Variants in MAGI1 observed in about 807,000 individuals in gnomAD.
MAGI1 encodes the protein membrane associated guanylate kinase, WW and PDZ domain containing 1.
MAGI1 carries 58 observed loss-of-function variants against 139.9 expected under a neutral mutation model. That is an observed-to-expected ratio of 0.41 (90% CI 0.34 to 0.52). The LOEUF is 0.52. Ranked by LOEUF, MAGI1 falls within the 20% of genes least tolerant of loss-of-function variation. The probability of loss-of-function intolerance (pLI) is 0.12; values close to 1 mark genes in which losing one functional copy is unlikely to be tolerated. For missense variants in MAGI1, 1,874 were observed against 1,901.6 expected (o/e 0.99, Z 0.27); for synonymous variants, 812 against 737.9 (o/e 1.10, Z -1.63).
At chr3:65,860,224 T>G (rs2059509961) in intron 1 of MAGI1, among the ~76,000 whole-genome samples, 1 of 152,098 alleles carries the variant, frequency 6.6e-6, no homozygotes, top group African/African-American at 2.4e-5. Context: ...ATTCTTCTAT[T>G]TCCCCATTCC....
intron 1 of MAGI1, among the ~76,000 whole-genome samples, chr3:65,911,662 G>A (rs1438874738): frequency 3.9e-5 from 6 of 152,098 alleles, no homozygotes; most frequent in Non-Finnish European, 7.3e-5. Context: ...CACCCCAACA[G>A]CATAACCGCT....
At chr3:65,743,947 A>T (rs2035484964) in intron 1 of MAGI1, among the ~76,000 whole-genome samples, 1 of 143,946 alleles carries the variant, frequency 6.9e-6, no homozygotes, top group South Asian at 2.2e-4. Flanking sequence ...GGGCTTTGTT[A>T]TTCTAAAACT....
At chr3:65,872,456 C>G (rs1057170324) in intron 1 of MAGI1, among the ~76,000 whole-genome samples, 4 of 152,108 alleles carry the variant, frequency 2.6e-5, no homozygotes, top group Admixed American at 2.0e-4. Context: ...CTTTCCTGTC[C>G]CTAACCTGCA....
chr3:65,802,461 C>G (rs371080721), intron 1 of MAGI1, among the ~76,000 whole-genome samples: 2 of 152,130 alleles, frequency 1.3e-5, no homozygotes, highest in East Asian at 3.9e-4. Context: ...AGATGGTAAA[C>G]AGAGCATCTG....
chr3:65,702,010 T>C (rs1321822800), intron 1 of MAGI1, among the ~76,000 whole-genome samples: 2 of 152,138 alleles, frequency 1.3e-5, no homozygotes, highest in Non-Finnish European at 2.9e-5. Context: ...TTTATTTTTT[T>C]TGCTCTCCCT....
At chr3:65,638,028 A>G (rs1046178507) in intron 1 of MAGI1, among the ~76,000 whole-genome samples, 1 of 152,110 alleles carries the variant, frequency 6.6e-6, no homozygotes, top group African/African-American at 2.4e-5. Context: ...AAAGGATGAT[A>G]CTGCTAATTA....
chr3:65,641,306 G>C (rs2084970831), intron 1 of MAGI1, among the ~76,000 whole-genome samples: 1 of 152,128 alleles, frequency 6.6e-6, no homozygotes, highest in Admixed American at 6.5e-5. Context: ...TTACCTCTAA[G>C]ACAGGGAAGT....
chr3:65,838,320 C>G (rs1000681953), intron 1 of MAGI1, among the ~76,000 whole-genome samples: 1 of 151,980 alleles, frequency 6.6e-6, no homozygotes, highest in African/African-American at 2.4e-5. Context: ...CAAAACAAAA[C>G]AAAACAAAAA....
chr3:65,811,072 T>G (rs191689209), intron 1 of MAGI1, among the ~76,000 whole-genome samples: 1 of 152,334 alleles, frequency 6.6e-6, no homozygotes, highest in African/African-American at 2.4e-5. Context: ...AAGTATTGAA[T>G]GTTAGGTTCT....
At chr3:65,712,986 T>C (rs1230785985) in intron 1 of MAGI1, among the ~76,000 whole-genome samples, 2 of 152,222 alleles carry the variant, frequency 1.3e-5, no homozygotes, top group Non-Finnish European at 2.9e-5. Context: ...CAATTAAATA[T>C]TCATTCAGGA....
chr3:65,780,549 C>G (rs963189845), intron 1 of MAGI1, among the ~76,000 whole-genome samples: 2 of 152,156 alleles, frequency 1.3e-5, no homozygotes, highest in Admixed American at 6.5e-5. Context: ...TCTCAATACT[C>G]AAACTCAATA....
chr3:65,454,475 T>C (rs942502527), intron 5 of MAGI1, among the ~76,000 whole-genome samples: 2 of 150,226 alleles, frequency 1.3e-5, no homozygotes, highest in African/African-American at 2.5e-5. Flanking sequence ...GGCACATGTA[T>C]ACATATGTAA....
chr3:65,505,452 C>A (rs2077244145), intron 2 of MAGI1, among the ~76,000 whole-genome samples: 1 of 150,702 alleles, frequency 6.6e-6, no homozygotes, highest in Admixed American at 6.6e-5. Flanking sequence ...CAAGACCAGC[C>A]TATGCAAATA....
chr3:65,720,702 C>G (rs1007518464), intron 1 of MAGI1, among the ~76,000 whole-genome samples: 1 of 152,056 alleles, frequency 6.6e-6, no homozygotes, highest in Non-Finnish European at 1.5e-5. Flanking sequence ...CTCAGGCCTT[C>G]GCTCTGCCTG....
intron 12 of MAGI1, among the ~76,000 whole-genome samples, chr3:65,405,794 C>A (rs1192390950): frequency 2.3e-5 from 3 of 133,124 alleles, no homozygotes; most frequent in African/African-American, 7.8e-5. Context: ...GGGGTTTCAC[C>A]ATGTTGGTAA....
chr3:65,871,355 C>T (rs1413584766), intron 1 of MAGI1, among the ~76,000 whole-genome samples: 2 of 152,176 alleles, frequency 1.3e-5, no homozygotes, highest in African/African-American at 4.8e-5. Flanking sequence ...GAGAAGAATG[C>T]ATGCACTCTT....
intron 1 of MAGI1, among the ~76,000 whole-genome samples, chr3:65,938,625 TTAAAA>T (rs1473533810): frequency 6.6e-6 from 1 of 152,094 alleles, no homozygotes; most frequent in Non-Finnish European, 1.5e-5. Flanking sequence ...ATAAAATAAA[TTAAAA>T]TAAAGTATCA....
chr3:65,900,233 C>G (rs2061164629), intron 1 of MAGI1, among the ~76,000 whole-genome samples: 1 of 152,170 alleles, frequency 6.6e-6, no homozygotes, highest in African/African-American at 2.4e-5. Context: ...CATCCTTGGA[C>G]TCATTAACTC....
chr3:66,013,394 C>T (rs1465150576), intron 1 of MAGI1, among the ~76,000 whole-genome samples: 2 of 136,620 alleles, frequency 1.5e-5, no homozygotes, highest in African/African-American at 2.7e-5. Context: ...TACAGTGAAA[C>T]TCTGTCTCAA....
Sources: allele counts gnomAD v4.1 joint callset (sites outside exome capture counted in the v4.1 genomes callset), GRCh38; gene constraint gnomAD v4.1.1; transcripts MANE v1.5; gene names NCBI Gene and HGNC (gene_info 2026-07-23, HGNC 2026-07-21).